The following TAF3 variants were observed in gnomAD, a reference collection of about 807,000 sequenced individuals.
The protein encoded by TAF3 is TATA-box binding protein associated factor 3.
In TAF3, 7 loss-of-function variants were observed where a neutral mutation model predicts 80.6. The ratio of observed to expected loss-of-function variants is 0.09; its 90% CI spans 0.05 to 0.16. The LOEUF (loss-of-function observed/expected upper bound fraction) is 0.16. Among genes scored for constraint, TAF3 ranks in the 10% least tolerant of loss-of-function variants. TAF3 has a pLI of 1.00. For missense variants in TAF3, 921 were observed against 1,140.2 expected (o/e 0.81, Z 2.77); for synonymous variants, 444 against 446.1 (o/e 1.00, Z 0.06).
At chr10:7,890,827 C>T (rs1394439486) in intron 2 of TAF3, among the ~76,000 whole-genome samples, 1 of 152,238 alleles carries the variant, frequency 6.6e-6, no homozygotes, top group Admixed American at 6.5e-5. Context: ...TCTATATCAA[C>T]TCTTTCCAAA....
chr10:7,925,291 G>A (rs1837804104), intron 2 of TAF3, among the ~76,000 whole-genome samples: 2 of 152,170 alleles, frequency 1.3e-5, no homozygotes, highest in African/African-American at 4.8e-5. Flanking sequence ...GGACCCTCTG[G>A]CAGGTCAGGC....
intron 4 of TAF3, among the ~76,000 whole-genome samples, chr10:8,006,822 G>T (rs895982607): frequency 1.3e-5 from 2 of 152,208 alleles, no homozygotes; most frequent in Admixed American, 1.3e-4. Flanking sequence ...AGCAACAGCC[G>T]TGAACATGGC....
At position 7,919,743 on chromosome 10, in the gene TAF3, T is replaced by G. The variant is rs537583250; in HGVS notation, c.410-44177T>G. On this transcript the variant is annotated intron_variant, in intron 2 of 6. Coordinates refer to ENST00000344293, the MANE Select transcript of TAF3 (RefSeq NM_031923.4). Reference sequence around the variant, plus strand: ...AAATGCTGTAGTCTTTATACTGTTTTTATTGCTATTATTTTTTATTTTTTT... The same window carrying G: ...AAATGCTGTAGTCTTTATACTGTTTGTATTGCTATTATTTTTTATTTTTTT... Among the ~76,000 whole-genome samples the G allele has an allele frequency of 9.2e-4, 140 of 152,308 alleles. 1 individual carries two copies. The highest frequency in any genetic ancestry group is 9.1e-4 in the Non-Finnish European group (62 of 68,020).
intron 2 of TAF3, among the ~76,000 whole-genome samples, chr10:7,962,379 TC>T (rs1831517632): frequency 6.6e-6 from 1 of 152,186 alleles, no homozygotes; most frequent in Non-Finnish European, 1.5e-5. Context: ...TCCTGCGTGT[TC>T]CTGCCAGTGT....
chr10:7,842,033 C>G (rs1165924258), intron 2 of TAF3, among the ~76,000 whole-genome samples: 1 of 152,074 alleles, frequency 6.6e-6, no homozygotes, highest in African/African-American at 2.4e-5. Flanking sequence ...CCTATGTTGG[C>G]CAGGCACCAC....
At chr10:7,937,503 G>T (rs541228605) in intron 2 of TAF3, among the ~76,000 whole-genome samples, 1 of 152,278 alleles carries the variant, frequency 6.6e-6, no homozygotes, top group East Asian at 1.9e-4. Context: ...TAAAGTGTCT[G>T]TTCAGGTCTT....
chr10:7,952,396 G>A (rs781741557), intron 2 of TAF3, among the ~76,000 whole-genome samples: 28 of 152,132 alleles, frequency 1.8e-4, no homozygotes, highest in Non-Finnish European at 3.4e-4. Context: ...AGATGTTGTC[G>A]TTATCATAAA....
intron 3 of TAF3, among the ~76,000 whole-genome samples, chr10:7,973,207 G>C (rs1201147597): frequency 6.6e-6 from 1 of 152,176 alleles, no homozygotes; most frequent in East Asian, 1.9e-4. Flanking sequence ...ACAAGTGTAA[G>C]TTATCATTAT....
chr10:7,892,396 T>C (rs1837464404), intron 2 of TAF3, among the ~76,000 whole-genome samples: 1 of 152,250 alleles, frequency 6.6e-6, no homozygotes, highest in African/African-American at 2.4e-5. Flanking sequence ...GAAAGAACCA[T>C]AATGTACTTT....
At chr10:7,845,913 A>C (rs543318829) in intron 2 of TAF3, among the ~76,000 whole-genome samples, 2 of 150,206 alleles carry the variant, frequency 1.3e-5, no homozygotes, top group African/African-American at 4.9e-5. Context: ...TGGTTGAAAA[A>C]GTTTGATTTC....
At chr10:7,906,959 T>G (rs1289926014) in intron 2 of TAF3, among the ~76,000 whole-genome samples, 1 of 152,086 alleles carries the variant, frequency 6.6e-6, no homozygotes, top group East Asian at 2.0e-4. Flanking sequence ...ATCTAAGACT[T>G]TGCATGTGAA....
chr10:7,873,617 T>TGCCCC, intron 2 of TAF3, among the ~76,000 whole-genome samples: 1 of 92,866 alleles, frequency 1.1e-5, no homozygotes, highest in Non-Finnish European at 2.2e-5. Flanking sequence ...ATCCGAGTTC[T>TGCCCC]CCCCCCCCCC....
chr10:7,974,418 G>A (rs1214343000), intron 3 of TAF3, among the ~76,000 whole-genome samples: 1 of 152,166 alleles, frequency 6.6e-6, no homozygotes, highest in African/African-American at 2.4e-5. Context: ...TGTTGAATAG[G>A]CATCTTCATA....
At chr10:7,828,154 G>A (rs1233306890) in intron 2 of TAF3, among the ~76,000 whole-genome samples, 1 of 152,186 alleles carries the variant, frequency 6.6e-6, no homozygotes, top group Non-Finnish European at 1.5e-5. Flanking sequence ...GATCGCTTGA[G>A]CCCAGGAGTT....
At position 8,009,817 on chromosome 10, in the gene TAF3, C is replaced by T. The variant is rs2131441825; in HGVS notation, c.2568+487C>T. On this transcript the variant is annotated intron_variant, in intron 5 of 6. Transcript: ENST00000344293. The surrounding 1 kb of genome is among the most constrained non-coding windows in gnomAD (Gnocchi z 4.1). Reference sequence around the variant, plus strand: ...TTTGTATTTTTAGTAGAAACGGTTTCACCGTGTTAGCCAGGCTGGTCTCAA... The same window carrying T: ...TTTGTATTTTTAGTAGAAACGGTTTTACCGTGTTAGCCAGGCTGGTCTCAA... Among the ~76,000 whole-genome samples the T allele has an allele frequency of 6.6e-6, 1 of 152,080 alleles. No homozygotes were observed. Among genetic ancestry groups the T allele is most frequent in the South Asian group, 2.1e-4 (1 of 4,818 alleles).
chr10:7,966,286 T>A (rs1302041786), intron 3 of TAF3, among the ~76,000 whole-genome samples: 4 of 152,214 alleles, frequency 2.6e-5, no homozygotes, highest in Non-Finnish European at 4.4e-5. Context: ...ATTCCTTCCG[T>A]TTTCTGCTTT....
At chr10:7,835,382 C>T (rs1040427879) in intron 2 of TAF3, among the ~76,000 whole-genome samples, 1 of 152,238 alleles carries the variant, frequency 6.6e-6, no homozygotes, top group East Asian at 1.9e-4. Context: ...CTTTGCAGTG[C>T]TCCCTCTTCT....
chr10:7,911,113 T>C (rs1240548550), intron 2 of TAF3, among the ~76,000 whole-genome samples: 1 of 152,218 alleles, frequency 6.6e-6, no homozygotes, highest in Non-Finnish European at 1.5e-5. Flanking sequence ...CCTGAAAGTG[T>C]AGTCTTGCTA....
intron 2 of TAF3, among the ~76,000 whole-genome samples, chr10:7,912,627 G>A (rs1195428665): frequency 6.6e-6 from 1 of 152,188 alleles, no homozygotes; most frequent in African/African-American, 2.4e-5. Context: ...TGGTAATTCT[G>A]AAGGTAGAGA....
Sources: gnomAD v4.1 joint callset for allele counts (sites outside exome capture counted in the v4.1 genomes callset) on GRCh38, gnomAD v4.1.1 for gene constraint, Gnocchi (gnomAD v3.1) non-coding constraint, MANE v1.5 for transcripts, NCBI Gene and HGNC (gene_info 2026-07-23, HGNC 2026-07-21) for gene names.